MARCHF4: variants seen among roughly 807,000 people sequenced by gnomAD.
MARCHF4 encodes the protein membrane associated ring-CH-type finger 4, also known as E3 ubiquitin-protein ligase MARCHF4.
A neutral mutation model predicts 43.9 loss-of-function variants in MARCHF4; 14 were observed. That is an observed-to-expected ratio of 0.32 (90% CI 0.21 to 0.50). The LOEUF (loss-of-function observed/expected upper bound fraction) is 0.50, where lower values mean the gene tolerates loss of function less well. Ranked by LOEUF, MARCHF4 falls within the 20% of genes least tolerant of loss-of-function variation. The probability of loss-of-function intolerance (pLI) is 0.98; values close to 1 mark genes in which losing one functional copy is unlikely to be tolerated. For missense variants in MARCHF4, 468 were observed against 536.7 expected (o/e 0.87, Z 1.27); for synonymous variants, 226 against 213.3 (o/e 1.06, Z -0.52).
chr2:216,298,454 T>C (rs1224820968), intron 1 of MARCHF4, among the ~76,000 whole-genome samples: 1 of 151,900 alleles, frequency 6.6e-6, no homozygotes, highest in African/African-American at 2.4e-5. Context: ...TTTGTAGAAA[T>C]GGGGTTTCAC....
intron 1 of MARCHF4, among the ~76,000 whole-genome samples, chr2:216,286,445 A>C (rs1430048520): frequency 6.6e-6 from 1 of 151,940 alleles, no homozygotes; most frequent in African/African-American, 2.4e-5. Context: ...AGGCTGAGGC[A>C]GGAGAATTAC....
chr2:216,295,412 C>A (rs540379635), intron 1 of MARCHF4, among the ~76,000 whole-genome samples: 2 of 152,228 alleles, frequency 1.3e-5, no homozygotes, highest in Non-Finnish European at 2.9e-5. Flanking sequence ...CAGGCCTGCA[C>A]CACCGTGCCC....
intron 1 of MARCHF4, among the ~76,000 whole-genome samples, chr2:216,289,632 T>C (rs1436904541): frequency 6.6e-6 from 1 of 152,230 alleles, no homozygotes; most frequent in Non-Finnish European, 1.5e-5. Flanking sequence ...GTCTTGCTTC[T>C]GGAGTCCCTA....
At chr2:216,323,671 A>G (rs1344266742) in intron 1 of MARCHF4, among the ~76,000 whole-genome samples, 5 of 152,124 alleles carry the variant, frequency 3.3e-5, no homozygotes, top group Non-Finnish European at 4.4e-5. Context: ...ACTCAAAACC[A>G]CTCAACTACA....
chr2:216,369,681 C>A (rs530565726), intron 1 of MARCHF4, 64 bp downstream of exon 1: 38 of 1,344,572 alleles, frequency 2.8e-5, no homozygotes, highest in Admixed American at 4.4e-5. Context: ...GGCAAGCAGG[C>A]GAGTAGCAAT....
intron 1 of MARCHF4, among the ~76,000 whole-genome samples, chr2:216,364,309 C>G (rs1559108602): frequency 6.6e-6 from 1 of 152,014 alleles, no homozygotes; most frequent in African/African-American, 2.4e-5. Flanking sequence ...GAGCATGAAG[C>G]GGGTGCCAGG....
At chr2:216,286,158 C>A (rs1392785444) in intron 1 of MARCHF4, among the ~76,000 whole-genome samples, 1 of 152,182 alleles carries the variant, frequency 6.6e-6, no homozygotes, top group Non-Finnish European at 1.5e-5. Flanking sequence ...ATGCTGCTTC[C>A]CCTCCAGCGA....
chr2:216,306,964 C>CCTCTCT (rs71988758), intron 1 of MARCHF4, among the ~76,000 whole-genome samples: 1 of 150,788 alleles, frequency 6.6e-6, no homozygotes, highest in African/African-American at 2.4e-5. Flanking sequence ...TACCTCCTGT[C>CCTCTCT]CTCTCTCTCT....
chr2:216,345,187 C>A (rs1215594554), intron 1 of MARCHF4, among the ~76,000 whole-genome samples: 1 of 96,874 alleles, frequency 1.0e-5, no homozygotes, highest in African/African-American at 4.0e-5. Context: ...GTCTGTGAAA[C>A]CTGTGGTTTG....
At chr2:216,304,850 A>G (rs1201992198) in intron 1 of MARCHF4, among the ~76,000 whole-genome samples, 3 of 152,140 alleles carry the variant, frequency 2.0e-5, no homozygotes, top group African/African-American at 7.2e-5. Flanking sequence ...ACTACTCAGA[A>G]GGCTGAGGCA....
chr2:216,319,240 A>C (rs560146541), intron 1 of MARCHF4, among the ~76,000 whole-genome samples: 20 of 152,294 alleles, frequency 1.3e-4, no homozygotes, highest in African/African-American at 3.8e-4. Flanking sequence ...CCCAAGAAGC[A>C]GAGATTGCAG....
chr2:216,312,886 A>G (rs1209778795), intron 1 of MARCHF4, among the ~76,000 whole-genome samples: 1 of 144,788 alleles, frequency 6.9e-6, no homozygotes, highest in Non-Finnish European at 1.5e-5. Context: ...TTTTGGTTTA[A>G]CTAAGTCCCA....
chr2:216,339,111 T>C (rs1287882858), intron 1 of MARCHF4, among the ~76,000 whole-genome samples: 4 of 152,208 alleles, frequency 2.6e-5, no homozygotes, highest in African/African-American at 9.7e-5. Flanking sequence ...AAGGGGAGCC[T>C]TGGACCAGTC....
intron 1 of MARCHF4, among the ~76,000 whole-genome samples, chr2:216,305,319 A>G (rs1466836488): frequency 6.6e-6 from 1 of 152,186 alleles, no homozygotes; most frequent in Admixed American, 6.5e-5. Context: ...GTTATAAGGT[A>G]TAGTTCAAGG....
intron 1 of MARCHF4, among the ~76,000 whole-genome samples, chr2:216,327,674 T>A (rs1321932975): frequency 6.6e-6 from 1 of 152,210 alleles, no homozygotes; most frequent in Non-Finnish European, 1.5e-5. Context: ...ATATAATGCT[T>A]TAGCAAGAGC....
At chr2:216,360,831 T>C (rs1279945890) in intron 1 of MARCHF4, among the ~76,000 whole-genome samples, 4 of 152,242 alleles carry the variant, frequency 2.6e-5, no homozygotes, top group African/African-American at 9.6e-5. Context: ...TTTTTGCTTT[T>C]GTTTTGTTTT....
In MARCHF4 at chr2:216,356,669, TTTAAG is replaced by T. The variant is rs1268087701; in HGVS notation, c.516+13071_516+13075del. ...TCCAAGTCTGAAAAGCCTCTTCCCTTTTAAGTTATTTTTATTTTTTAACTTTTCAT... is the reference window on the plus strand; with the variant it reads ...TCCAAGTCTGAAAAGCCTCTTCCCTTTTATTTTTATTTTTTAACTTTTCAT... On this transcript the variant is annotated intron_variant, in intron 1 of 3. Transcript: ENST00000273067. 2.5e-4 allele frequency among the ~76,000 whole-genome samples: 38 copies of T among 152,132 alleles called. No homozygotes were observed. In the Middle Eastern group the frequency reaches 0.01, roughly 41 times the overall value.
At chr2:216,328,553 G>C (rs1692032526) in intron 1 of MARCHF4, among the ~76,000 whole-genome samples, 1 of 152,114 alleles carries the variant, frequency 6.6e-6, no homozygotes, top group Admixed American at 6.5e-5. Flanking sequence ...TGCCCTCCAG[G>C]GGCCGTTAGA....
intron 1 of MARCHF4, among the ~76,000 whole-genome samples, chr2:216,293,312 G>A (rs1258800831): frequency 6.6e-6 from 1 of 152,098 alleles, no homozygotes; most frequent in Non-Finnish European, 1.5e-5. Context: ...CTAACAGTGT[G>A]TTGACACTGG....
Sources: gnomAD v4.1 joint callset for allele counts (sites outside exome capture counted in the v4.1 genomes callset) on GRCh38, gnomAD v4.1.1 for gene constraint, MANE v1.5 for transcripts, NCBI Gene and HGNC (gene_info 2026-07-23, HGNC 2026-07-21) for gene names.